Variants in DTNA observed in about 807,000 individuals in gnomAD.
DTNA encodes the protein dystrobrevin alpha.
A neutral mutation model predicts 100.7 loss-of-function variants in DTNA; 43 were observed. The ratio of observed to expected loss-of-function variants is 0.43; its 90% CI spans 0.33 to 0.55. The LOEUF is 0.55. DTNA is among the 20% of genes least tolerant of loss of function. The probability of loss-of-function intolerance (pLI) is 0.04; values close to 1 mark genes in which losing one functional copy is unlikely to be tolerated. For synonymous variants in DTNA, 349 were observed against 347.9 expected (o/e 1.00, Z -0.04); for missense variants, 798 against 953.9 (o/e 0.84, Z 2.15).
At position 34,773,239 on chromosome 18, in the gene DTNA, A is replaced by G. The variant is rs189152059; in HGVS notation, c.148+7198A>G. On this transcript the variant is annotated intron_variant, in intron 3 of 22. Coordinates refer to ENST00000444659, the MANE Select transcript of DTNA (RefSeq NM_001386795.1). ...TCCCTTCACTGCAGCCCCTGGATTC[A>G]TGTTTGAATAACTAGGAGAAAGTAT... Among the ~76,000 whole-genome samples, 31 of 152,372 alleles carry G rather than the reference A, an allele frequency of 2.0e-4. 1 individual carries two copies. In the East Asian group the frequency reaches 6.0e-3, roughly 29 times the overall value.
intron 3 of DTNA, among the ~76,000 whole-genome samples, chr18:34,792,169 T>C (rs2094775986): frequency 6.6e-6 from 1 of 152,144 alleles, no homozygotes; most frequent in Non-Finnish European, 1.5e-5. Context: ...AAGTTAGTTA[T>C]GAGAACCATA....
At chr18:34,669,906 T>G (rs1418523598) in intron 1 of DTNA, among the ~76,000 whole-genome samples, 2 of 152,212 alleles carry the variant, frequency 1.3e-5, no homozygotes, top group Non-Finnish European at 1.5e-5. Flanking sequence ...TTATGTATCT[T>G]GGAGTTGCTC....
chr18:34,525,555 C>T (rs1258046247), intron 1 of DTNA, among the ~76,000 whole-genome samples: 1 of 152,106 alleles, frequency 6.6e-6, no homozygotes, highest in Non-Finnish European at 1.5e-5. Flanking sequence ...TTTGAAAATG[C>T]ATTGTAAGAC....
intron 1 of DTNA, among the ~76,000 whole-genome samples, chr18:34,600,634 C>G (rs1452365727): frequency 1.1e-4 from 16 of 152,164 alleles, no homozygotes; most frequent in Admixed American, 8.5e-4. Context: ...TGTTTACTAA[C>G]CAAAAGATAT....
At chr18:34,536,098 T>G (rs551383530) in intron 1 of DTNA, among the ~76,000 whole-genome samples, 1 of 152,168 alleles carries the variant, frequency 6.6e-6, no homozygotes, top group South Asian at 2.1e-4. Context: ...TTTCTTTAAT[T>G]TATTCTGACA....
chr18:34,500,210 T>A lies in DTNA; in HGVS notation c.-2+6696T>A, dbSNP rs146956425. Among the ~76,000 whole-genome samples, 150 of 152,264 alleles carry A rather than the reference T, an allele frequency of 9.9e-4. 2 individuals carry two copies. The highest frequency in any genetic ancestry group is 3.4e-3 in the African/African-American group (141 of 41,556). ...GGCATGTTTCTCCATTTATGTAGAA[T>A]GTCTTTGGTATCTTTTACCAGTGAT... is the stretch of plus-strand genomic sequence containing the variant. On this transcript the variant is annotated intron_variant, in intron 1 of 19. Coordinates refer to the DTNA transcript ENST00000283365.
chr18:34,549,678 T>G (rs563819363), intron 1 of DTNA, among the ~76,000 whole-genome samples: 12 of 152,224 alleles, frequency 7.9e-5, no homozygotes, highest in African/African-American at 2.9e-4. Context: ...AATTGCAAGC[T>G]TTAATTGTTT....
At chr18:34,713,559 G>T (rs535375117) in intron 1 of DTNA, among the ~76,000 whole-genome samples, 20 of 151,744 alleles carry the variant, frequency 1.3e-4, no homozygotes, top group Non-Finnish European at 2.8e-4. Flanking sequence ...TTTGAAGTCA[G>T]GTAGTGTGAT....
intron 13 of DTNA, among the ~76,000 whole-genome samples, chr18:34,840,871 A>G (rs1568727415): frequency 6.6e-6 from 1 of 151,982 alleles, no homozygotes; most frequent in Non-Finnish European, 1.5e-5. Context: ...GTTTAATTAG[A>G]TCCCAACAAT....
chr18:34,874,373 A>G (rs1326809507), intron 17 of DTNA, among the ~76,000 whole-genome samples: 3 of 152,236 alleles, frequency 2.0e-5, no homozygotes, highest in Admixed American at 6.5e-5. Context: ...TCTTTTGTCA[A>G]CTAATTATTA....
chr18:34,593,481 T>C (rs2049968582), intron 1 of DTNA: 3 of 152,234 alleles, frequency 2.0e-5, no homozygotes, highest in African/African-American at 4.8e-5. Flanking sequence ...AATTCACATA[T>C]GTTCTGGATG....
intron 16 of DTNA, among the ~76,000 whole-genome samples, chr18:34,863,575 T>C (rs772886424): frequency 6.6e-6 from 1 of 152,234 alleles, no homozygotes; most frequent in Non-Finnish European, 1.5e-5. Context: ...GCAAAAGGGT[T>C]CTTAGATTTG....
intron 1 of DTNA, among the ~76,000 whole-genome samples, chr18:34,601,468 G>A (rs958411907): frequency 6.6e-6 from 1 of 152,106 alleles, no homozygotes; most frequent in Admixed American, 6.5e-5. Context: ...CCAGCGTCTG[G>A]AGTCAAGTCC....
intron 2 of DTNA, among the ~76,000 whole-genome samples, chr18:34,758,749 A>G (rs1222062693): frequency 6.6e-6 from 1 of 152,238 alleles, no homozygotes; most frequent in East Asian, 1.9e-4. Flanking sequence ...AGTTTTCTAA[A>G]GTAAATGCTG....
At chr18:34,573,624 G>A (rs189085137) in intron 1 of DTNA, among the ~76,000 whole-genome samples, 171 of 152,226 alleles carry the variant, frequency 1.1e-3, no homozygotes, top group African/African-American at 3.6e-3. Context: ...AACATGATGC[G>A]TTGCAGTATG....
chr18:34,572,431 C>T (rs571290686), intron 1 of DTNA, among the ~76,000 whole-genome samples: 2 of 152,280 alleles, frequency 1.3e-5, no homozygotes, highest in East Asian at 3.9e-4. Flanking sequence ...TTACATATAG[C>T]AGCTCATTTA....
chr18:34,534,254 C>T (rs958622317), intron 1 of DTNA, among the ~76,000 whole-genome samples: 1 of 152,056 alleles, frequency 6.6e-6, no homozygotes, highest in Non-Finnish European at 1.5e-5. Context: ...GAGGCTGAGG[C>T]AGGAGAACCT....
At chr18:34,865,901 A>C (rs568110364) in intron 17 of DTNA, among the ~76,000 whole-genome samples, 26 of 152,316 alleles carry the variant, frequency 1.7e-4, no homozygotes, top group African/African-American at 5.5e-4. Flanking sequence ...GATTGTGTTG[A>C]AAAATGGTTG....
At chr18:34,691,392 C>G (rs2079739837) in intron 1 of DTNA, among the ~76,000 whole-genome samples, 1 of 152,194 alleles carries the variant, frequency 6.6e-6, no homozygotes, top group Admixed American at 6.5e-5. Context: ...CTTAACCTCT[C>G]TGAGCGTCAG....
Sources: gnomAD v4.1 joint callset for allele counts (sites outside exome capture counted in the v4.1 genomes callset) on GRCh38, gnomAD v4.1.1 for gene constraint, MANE v1.5 for transcripts, NCBI Gene and HGNC (gene_info 2026-07-23, HGNC 2026-07-21) for gene names.